Variants in PPFIA2 observed in about 807,000 individuals in gnomAD.
PPFIA2 encodes PPFI scaffold protein A2.
In PPFIA2, 46 loss-of-function variants were observed where a neutral mutation model predicts 175.5. The observed-to-expected ratio is 0.26, with a 90% CI of 0.21 to 0.34. The LOEUF (loss-of-function observed/expected upper bound fraction) is 0.34, where lower values mean the gene tolerates loss of function less well. Among genes scored for constraint, PPFIA2 ranks in the 10% least tolerant of loss-of-function variants. The pLI, the probability that PPFIA2 is intolerant of heterozygous loss-of-function variation, is 1.00. For synonymous variants in PPFIA2, 568 were observed against 511.4 expected, an observed-to-expected ratio of 1.11 and a Z score of -1.49; for missense variants, 1,179 against 1,506.1, an observed-to-expected ratio of 0.78 and a Z score of 3.60.
At chr12:81,266,917 C>A in intron 30 of PPFIA2, 35 bp downstream of exon 30, 1 of 1,484,884 alleles carries the variant, frequency 6.7e-7, no homozygotes. Context: ...TTCTTTTACT[C>A]TCTCAGATCT....
intron 4 of PPFIA2, among the ~76,000 whole-genome samples, chr12:81,495,331 C>T (rs964309248): frequency 1.3e-5 from 2 of 151,876 alleles, no homozygotes; most frequent in African/African-American, 4.8e-5. Context: ...TCTACCCTCA[C>T]CATTTTACAT....
At chr12:81,529,547 G>T (rs1012761152) in intron 4 of PPFIA2, among the ~76,000 whole-genome samples, 1 of 134,356 alleles carries the variant, frequency 7.4e-6, no homozygotes, top group Non-Finnish European at 1.6e-5. Context: ...AGAGTGGCGG[G>T]GGGGCAGTGG....
At chr12:81,500,660 AT>A (rs1377088092) in intron 4 of PPFIA2, among the ~76,000 whole-genome samples, 2 of 152,144 alleles carry the variant, frequency 1.3e-5, no homozygotes, top group Admixed American at 6.6e-5. Flanking sequence ...ATACAATCAG[AT>A]TTTTGTGTTA....
chr12:81,435,777 C>T (rs181528761), intron 7 of PPFIA2, among the ~76,000 whole-genome samples: 31 of 152,030 alleles, frequency 2.0e-4, no homozygotes, highest in African/African-American at 6.5e-4. Flanking sequence ...ATTATCCGTT[C>T]TGAATTTGGG....
rs1242715882 is a variant in PPFIA2 at position 81,431,001 on chromosome 12, T to C, written c.645+8971A>G. 2.0e-5 allele frequency: 3 copies of C among 152,196 alleles called. No homozygotes were observed. The East Asian group carries it at 5.8e-4, about 29-fold the overall frequency. 9.4% of individuals were successfully genotyped at this position (152,196 alleles called of 1,614,324 possible). On this transcript the variant is annotated intron_variant, in intron 7 of 32. Transcript: ENST00000549396. ...GAGGTACAATAATTGTTAATTTCCTTGGAAAATTCTAATTGAAAATTGGTA... is the reference window on the plus strand; with the variant it reads ...GAGGTACAATAATTGTTAATTTCCTCGGAAAATTCTAATTGAAAATTGGTA...
At position 81,378,919 on chromosome 12, in the gene PPFIA2, CATT is replaced by C. The variant is rs201025824; in HGVS notation, c.985-2980_985-2978del. ...TGAGATTCTAATATGTAGCACATAG[CATT>C]GTTGTTAAGAATCAGGAAGTGCTTT... On this transcript the variant is annotated intron_variant, in intron 9 of 32. Coordinates refer to ENST00000549396, the MANE Select transcript of PPFIA2 (RefSeq NM_003625.5). Among the ~76,000 whole-genome samples the C allele has an allele frequency of 2.0e-3, 310 of 152,166 alleles. 5 individuals carry two copies. In the East Asian group the frequency reaches 0.028, roughly 14 times the overall value.
Position 81,281,452 on chromosome 12 carries a change from T to C in PPFIA2, c.3019-2A>G. The C allele has an allele frequency of 1.3e-6, 2 of 1,589,596 alleles. No homozygotes were observed. Among genetic ancestry groups the C allele is most frequent in the Non-Finnish European group, 1.7e-6 (2 of 1,162,804 alleles). ...CAGGGTCTGTAGAAAAACCGGACAC[T>C]AGAATTGTTTTATAGCAGTCAAGTT... On this transcript the variant is annotated splice_acceptor_variant, in intron 26 of 32. Transcript: ENST00000549396. LOFTEE classifies it high-confidence loss of function.
chr12:81,754,312 C>T lies in PPFIA2; in HGVS notation c.-2-89G>A, dbSNP rs2084303042. 3 of 1,458,520 alleles carry T rather than the reference C, an allele frequency of 2.1e-6. No homozygotes were observed. The South Asian group carries it at 3.9e-5, about 19-fold the overall frequency. The allele number at this position is 1,458,520 out of a possible 1,614,324, so 90.3% of individuals were successfully genotyped here. ...GAGCAATTCACTAAATATTTTTCAG[C>T]TTATTAGCCTATTTGTCTCTATTTC... On this transcript the variant is annotated intron_variant, in intron 2 of 32. Coordinates refer to ENST00000549396, the MANE Select transcript of PPFIA2 (RefSeq NM_003625.5).
intron 7 of PPFIA2, among the ~76,000 whole-genome samples, chr12:81,432,644 A>G (rs1324681910): frequency 6.6e-6 from 1 of 151,564 alleles, no homozygotes; most frequent in Non-Finnish European, 1.5e-5. Context: ...TTTTGTATAG[A>G]GACTGGGTTT....
chr12:81,405,934 T>C, intron 7 of PPFIA2, 31 bp from the exon 8 acceptor site: 1 of 1,245,026 alleles, frequency 8.0e-7, no homozygotes. Context: ...GCCTTTAAAG[T>C]CTAAATAGGG....
intron 15 of PPFIA2, among the ~76,000 whole-genome samples, chr12:81,360,268 T>G (rs530797760): frequency 1.3e-5 from 2 of 152,010 alleles, no homozygotes; most frequent in African/African-American, 2.4e-5. Flanking sequence ...TTCAGTATTT[T>G]GAAAGGCTTT....
intron 4 of PPFIA2, among the ~76,000 whole-genome samples, chr12:81,612,985 C>T (rs1415319943): frequency 6.6e-6 from 1 of 152,060 alleles, no homozygotes; most frequent in African/African-American, 2.4e-5. Context: ...CCATAATGAC[C>T]TTTATGCTTA....
chr12:81,413,162 G>C (rs2044306034), intron 7 of PPFIA2, among the ~76,000 whole-genome samples: 1 of 151,832 alleles, frequency 6.6e-6, no homozygotes, highest in South Asian at 2.1e-4. Flanking sequence ...ACTAGAAACT[G>C]TTTCTGATTC....
chr12:81,715,170 A>G (rs1596713604), intron 3 of PPFIA2, among the ~76,000 whole-genome samples: 1 of 151,482 alleles, frequency 6.6e-6, no homozygotes, highest in East Asian at 2.0e-4. Flanking sequence ...CTCAATATAC[A>G]GAGTACAAAA....
At chr12:81,489,509 G>C (rs978567281) in intron 4 of PPFIA2, among the ~76,000 whole-genome samples, 1 of 151,766 alleles carries the variant, frequency 6.6e-6, no homozygotes, top group Non-Finnish European at 1.5e-5. Flanking sequence ...TGAACTGGGA[G>C]AAAAAGAATG....
At chr12:81,591,146 A>AGAG (rs2058629501) in intron 4 of PPFIA2, among the ~76,000 whole-genome samples, 10 of 152,000 alleles carry the variant, frequency 6.6e-5, no homozygotes, top group Non-Finnish European at 1.0e-4. Flanking sequence ...AGCAAAGGTG[A>AGAG]CCCTTGTTAT....
At chr12:81,676,480 T>C (rs936073621) in intron 4 of PPFIA2, among the ~76,000 whole-genome samples, 3 of 152,000 alleles carry the variant, frequency 2.0e-5, no homozygotes, top group Non-Finnish European at 2.9e-5. Context: ...CCAAATACTA[T>C]ACTCATATTT....
At chr12:81,663,008 C>T (rs1322884833) in intron 4 of PPFIA2, among the ~76,000 whole-genome samples, 1 of 152,206 alleles carries the variant, frequency 6.6e-6, no homozygotes, top group African/African-American at 2.4e-5. Flanking sequence ...AACAGCCCTT[C>T]ATGCTAAAAA....
intron 4 of PPFIA2, among the ~76,000 whole-genome samples, chr12:81,647,346 A>G (rs1286715992): frequency 6.6e-6 from 1 of 152,188 alleles, no homozygotes; most frequent in Non-Finnish European, 1.5e-5. Flanking sequence ...AAATGGTCTT[A>G]TATGCAAATA....
Sources: gnomAD v4.1 joint callset for allele counts (sites outside exome capture counted in the v4.1 genomes callset) on GRCh38, gnomAD v4.1.1 for gene constraint, MANE v1.5 for transcripts, NCBI Gene and HGNC (gene_info 2026-07-23, HGNC 2026-07-21) for gene names.